Variants in ANKRD30BL observed in about 807,000 individuals in gnomAD.
ANKRD30BL encodes the protein putative ankyrin repeat domain-containing protein 30B-like.
A neutral mutation model predicts 18.4 loss-of-function variants in ANKRD30BL; 20 were observed. That is an observed-to-expected ratio of 1.09 (90% CI 0.77 to 1.58). The LOEUF (loss-of-function observed/expected upper bound fraction) is 1.58. ANKRD30BL is among the 40% of genes most tolerant of loss of function. ANKRD30BL has a pLI of 0.00. For missense variants in ANKRD30BL, 224 were observed against 268.6 expected (o/e 0.83, Z 1.16); for synonymous variants, 72 against 100.9 (o/e 0.71, Z 1.72).
intron 1 of ANKRD30BL, among the ~76,000 whole-genome samples, chr2:132,159,268 C>T (rs1432837568): frequency 6.6e-6 from 1 of 152,054 alleles, no homozygotes; most frequent in African/African-American, 2.4e-5. Flanking sequence ...TGTAAATTCA[C>T]TGAAATGTAT....
chr2:132,222,332 G>C (rs1344496937), intron 1 of ANKRD30BL, among the ~76,000 whole-genome samples: 1 of 152,188 alleles, frequency 6.6e-6, no homozygotes, highest in Non-Finnish European at 1.5e-5. Context: ...CGTCTGGGAG[G>C]TGTGCCCAGC....
chr2:132,221,435 G>A (rs1310418926), intron 1 of ANKRD30BL, among the ~76,000 whole-genome samples: 22 of 131,512 alleles, frequency 1.7e-4, no homozygotes, highest in Non-Finnish European at 2.4e-4. Context: ...TCAGCCCCCC[G>A]CCTGGCCAGC....
intron 1 of ANKRD30BL, among the ~76,000 whole-genome samples, chr2:132,242,310 T>C (rs961814449): frequency 1.3e-5 from 2 of 151,842 alleles, no homozygotes; most frequent in Non-Finnish European, 2.9e-5. Context: ...ACTCTTTTTT[T>C]AGAATCTGCA....
chr2:132,162,979 C>G (rs1013818538), upstream of ANKRD30BL, among the ~76,000 whole-genome samples: 1 of 152,166 alleles, frequency 6.6e-6, no homozygotes, highest in African/African-American at 2.4e-5. Context: ...TTCCTGAGAG[C>G]GCCCGCTGCC....
chr2:132,222,680 C>A (rs1488829621), intron 1 of ANKRD30BL, among the ~76,000 whole-genome samples: 10 of 151,546 alleles, frequency 6.6e-5, no homozygotes, highest in Non-Finnish European at 1.3e-4. Context: ...TCTTAAGTAC[C>A]CAGGGACACA....
At chr2:132,203,521 ATGCTGTT>A (rs986726503) in intron 1 of ANKRD30BL, among the ~76,000 whole-genome samples, 3 of 152,282 alleles carry the variant, frequency 2.0e-5, no homozygotes, top group African/African-American at 7.2e-5. Flanking sequence ...AGAAAATCTA[ATGCTGTT>A]TAATTTCTTT....
chr2:132,195,723 A>G (rs1413988141), intron 1 of ANKRD30BL, among the ~76,000 whole-genome samples: 20 of 148,652 alleles, frequency 1.3e-4, no homozygotes, highest in Non-Finnish European at 2.2e-4. Flanking sequence ...CCCAGGAGGC[A>G]GACTTTGTAG....
chr2:132,181,435 T>G (rs1320011067), intron 1 of ANKRD30BL, among the ~76,000 whole-genome samples: 2 of 150,174 alleles, frequency 1.3e-5, no homozygotes, highest in Admixed American at 6.7e-5. Flanking sequence ...ATCATGCCAC[T>G]GCACTGACAA....
intron 1 of ANKRD30BL, among the ~76,000 whole-genome samples, chr2:132,193,334 C>T (rs1678897920): frequency 6.6e-6 from 1 of 151,210 alleles, no homozygotes; most frequent in Non-Finnish European, 1.5e-5. Context: ...TAATGAGACT[C>T]TTATATGGCA....
At chr2:132,252,358 G>C (rs2104810037) in intron 1 of ANKRD30BL, among the ~76,000 whole-genome samples, 1 of 152,356 alleles carries the variant, frequency 6.6e-6, no homozygotes, top group East Asian at 1.9e-4. Flanking sequence ...GGAAGCTCCG[G>C]ATGGGGCCCC....
intron 1 of ANKRD30BL, among the ~76,000 whole-genome samples, chr2:132,228,189 C>A (rs899287639): frequency 1.3e-5 from 2 of 152,076 alleles, no homozygotes; most frequent in African/African-American, 2.4e-5. Context: ...AGTTTTGAAT[C>A]TCTCTTTTTG....
intron 1 of ANKRD30BL, among the ~76,000 whole-genome samples, chr2:132,218,130 C>A (rs1204714035): frequency 6.6e-6 from 1 of 152,248 alleles, no homozygotes; most frequent in Admixed American, 6.5e-5. Context: ...CACATAAACT[C>A]TAGACAGAAG....
chr2:132,165,997 C>T (rs1223487143), upstream of ANKRD30BL, among the ~76,000 whole-genome samples: 4 of 151,984 alleles, frequency 2.6e-5, no homozygotes, highest in Non-Finnish European at 5.9e-5. Context: ...CACCTCAATT[C>T]CTAGTTTTCT....
At chr2:132,199,358 C>CAAATAAAT (rs530697723) in intron 1 of ANKRD30BL, among the ~76,000 whole-genome samples, 6 of 151,906 alleles carry the variant, frequency 3.9e-5, no homozygotes, top group South Asian at 2.1e-4. Flanking sequence ...GACTCCGTCT[C>CAAATAAAT]AAATAAATAA....
chr2:132,156,502 C>T (rs1315651504), intron 3 of ANKRD30BL: 1 of 152,128 alleles, frequency 6.6e-6, no homozygotes, highest in Non-Finnish European at 1.5e-5. Context: ...TAGGTGGGCA[C>T]AGTAGCAAAC....
In ANKRD30BL at chr2:132,242,849, C is replaced by T. The variant is rs564126678; in HGVS notation, n.441+14680G>A. Among the ~76,000 whole-genome samples, 662 of 150,984 alleles carry T rather than the reference C, an allele frequency of 4.4e-3. 6 individuals carry two copies. Among genetic ancestry groups the T allele is most frequent in the African/African-American group, 0.015 (603 of 41,316 alleles). The stretch of plus-strand genomic sequence containing the variant: ...AGAATCTGCAAGTGGCCATTTTGTG[C>T]GATTTGAGACCTGTGGTGAAAAAGG... On this transcript the variant is annotated intron_variant and non_coding_transcript_variant, in intron 1 of 4. Coordinates refer to the ANKRD30BL transcript ENST00000470729.
At chr2:132,254,737 G>C (rs1343553363) in intron 1 of ANKRD30BL, among the ~76,000 whole-genome samples, 21 of 152,210 alleles carry the variant, frequency 1.4e-4, no homozygotes, top group Admixed American at 1.3e-3. Flanking sequence ...CTCAATCTCA[G>C]GTGGCTGAAC....
intron 1 of ANKRD30BL, among the ~76,000 whole-genome samples, chr2:132,203,822 T>C (rs9287386): frequency 1.4e-4 from 18 of 125,070 alleles, no homozygotes; most frequent in Non-Finnish European, 3.1e-4. Context: ...AGTAGATTAA[T>C]ACCAAATTCT....
At chr2:132,224,881 G>C (rs368508191) in intron 1 of ANKRD30BL, among the ~76,000 whole-genome samples, 76 of 151,824 alleles carry the variant, frequency 5.0e-4, no homozygotes, top group African/African-American at 1.7e-3. Flanking sequence ...TCACAGAGTT[G>C]AACCTTGCTT....
Sources: allele counts gnomAD v4.1 joint callset (sites outside exome capture counted in the v4.1 genomes callset), GRCh38; gene constraint gnomAD v4.1.1; transcripts MANE v1.5; gene names NCBI Gene and HGNC (gene_info 2026-07-23, HGNC 2026-07-21).